RBM25: variants seen among roughly 807,000 people sequenced by gnomAD.
RBM25 encodes the protein RNA binding motif protein 25.
A neutral mutation model predicts 120.7 loss-of-function variants in RBM25; 19 were observed. The observed-to-expected ratio is 0.16, with a 90% CI of 0.11 to 0.23. The LOEUF (loss-of-function observed/expected upper bound fraction) is 0.23, where lower values mean the gene tolerates loss of function less well. Ranked by LOEUF, RBM25 falls within the 10% of genes least tolerant of loss-of-function variation. The pLI, the probability that RBM25 is intolerant of heterozygous loss-of-function variation, is 1.00. For missense variants in RBM25, 605 were observed against 1,041.5 expected, an observed-to-expected ratio of 0.58 and a Z score of 5.77; for synonymous variants, 390 against 326.7, an observed-to-expected ratio of 1.19 and a Z score of -2.09.
chr14:73,089,355 ATTTGTTT>A lies in RBM25; in HGVS notation c.543+1205_543+1211del, dbSNP rs371639600. 5.2e-3 allele frequency among the ~76,000 whole-genome samples: 791 copies of A among 151,976 alleles called. 7 individuals are homozygous for A. Among genetic ancestry groups the A allele is most frequent in the Non-Finnish European group, 8.4e-3 (569 of 67,922 alleles). On this transcript the variant is annotated intron_variant, in intron 6 of 18. Transcript: ENST00000261973. The stretch of plus-strand genomic sequence containing the variant: ...ATTTTTCTGTGTATGAATGTGGTTC[ATTTGTTT>A]TTTGTTTTTTTTGAGACAGAGTCTC...
chr14:73,113,927 A>G (rs935531296), intron 17 of RBM25, among the ~76,000 whole-genome samples: 2 of 152,192 alleles, frequency 1.3e-5, no homozygotes, highest in African/African-American at 4.8e-5. Context: ...CAGTTAACAT[A>G]GTAGAAACAC....
chr14:73,068,571 C>A, intron 1 of RBM25: 1 of 591,416 alleles, frequency 1.7e-6, no homozygotes, highest in Non-Finnish European at 3.1e-6. Flanking sequence ...TGTGCTTTTG[C>A]CAGTGTACGG....
intron 18 of RBM25, among the ~76,000 whole-genome samples, chr14:73,116,864 T>C (rs1896438114): frequency 6.6e-6 from 1 of 152,232 alleles, no homozygotes; most frequent in Non-Finnish European, 1.5e-5. Context: ...CCAGTTGAGC[T>C]AGTGTTGTCA....
At chr14:73,118,477 C>CGG (rs1364784642) in intron 18 of RBM25, among the ~76,000 whole-genome samples, 10 of 136,962 alleles carry the variant, frequency 7.3e-5, no homozygotes, top group African/African-American at 8.3e-5. Flanking sequence ...ATCCTGTCTC[C>CGG]AGAAAAAAAA....
intron 12 of RBM25, chr14:73,107,602 A>G (rs1277901021): frequency 2.1e-6 from 1 of 472,534 alleles, no homozygotes; most frequent in African/African-American, 2.0e-5. Flanking sequence ...GAATACATAT[A>G]CATTTATAAA....
At position 73,123,056 on chromosome 14, in the gene RBM25, C is replaced by T. The variant is rs1896563876; in HGVS notation, c.*3251C>T. On this transcript the variant is annotated 3_prime_UTR_variant, in exon 19 of 19. Coordinates refer to ENST00000261973, the MANE Select transcript of RBM25 (RefSeq NM_021239.3). The stretch of plus-strand genomic sequence containing the variant: ...ATTCTAGGCTTTTTTTCCATCCAGC[C>T]CTGAAAATTTTTTCTGTAGATAACT... 6.6e-6 allele frequency: 1 copy of T among 151,882 alleles called. No individual in the cohort carries two copies. The highest frequency in any genetic ancestry group is 1.5e-5 in the Non-Finnish European group (1 of 67,984). 9.4% of individuals were successfully genotyped at this position (151,882 alleles called of 1,614,324 possible).
intron 5 of RBM25, among the ~76,000 whole-genome samples, chr14:73,086,117 T>A (rs1895679253): frequency 6.6e-6 from 1 of 151,916 alleles, no homozygotes; most frequent in Admixed American, 6.6e-5. Context: ...GAAATTGTTT[T>A]GAAGATCACG....
At chr14:73,091,044 G>A (rs917549843) in intron 6 of RBM25, among the ~76,000 whole-genome samples, 1 of 152,194 alleles carries the variant, frequency 6.6e-6, no homozygotes, top group African/African-American at 2.4e-5. Flanking sequence ...TATCTTCAAA[G>A]TGTTCTGATT....
intron 6 of RBM25, among the ~76,000 whole-genome samples, chr14:73,089,740 C>T (rs1057039784): frequency 2.0e-5 from 3 of 151,900 alleles, no homozygotes; most frequent in Non-Finnish European, 2.9e-5. Flanking sequence ...GACCTTAGCT[C>T]ACTGCAACCT....
chr14:73,114,974 A>G (rs1218147011), intron 18 of RBM25, among the ~76,000 whole-genome samples: 1 of 152,256 alleles, frequency 6.6e-6, no homozygotes, highest in Non-Finnish European at 1.5e-5. Context: ...TGCTAGAAGC[A>G]TAAAAGTAGA....
In RBM25 at chr14:73,120,025, A is replaced by G; in HGVS notation, c.*220A>G. The stretch of plus-strand genomic sequence containing the variant: ...TTCTCTTTATACTCACCAGGTACAA[A>G]TTACTGGTATGTTTTATAAGCCGCA... On this transcript the variant is annotated 3_prime_UTR_variant, in exon 19 of 19. Transcript: ENST00000261973. 1 of 470,812 alleles carries G rather than the reference A, an allele frequency of 2.1e-6. No individual in the cohort carries two copies. The highest frequency in any genetic ancestry group is 3.4e-6 in the Non-Finnish European group (1 of 293,034). The allele number at this position is 470,812 out of a possible 1,614,324, so 29.2% of individuals were successfully genotyped here.
chr14:73,104,576 C>T (rs1387786797), intron 10 of RBM25, among the ~76,000 whole-genome samples: 2 of 151,842 alleles, frequency 1.3e-5, no homozygotes, highest in Non-Finnish European at 2.9e-5. Context: ...CTATGTTGCC[C>T]AGCTGGTCTC....
intron 2 of RBM25, among the ~76,000 whole-genome samples, chr14:73,074,496 G>A (rs537788842): frequency 9.7e-4 from 147 of 152,200 alleles, no homozygotes; most frequent in Non-Finnish European, 1.7e-3. Flanking sequence ...ACTTTGGGAG[G>A]CTGAGGGCAG....
At chr14:73,078,796 G>A (rs1895486478) in intron 4 of RBM25, among the ~76,000 whole-genome samples, 1 of 152,060 alleles carries the variant, frequency 6.6e-6, no homozygotes, top group African/African-American at 2.4e-5. Context: ...TAGAGACAAG[G>A]TTTCATCATG....
In RBM25 at chr14:73,090,154, G is replaced by A. The variant is rs552453104; in HGVS notation, c.543+1993G>A. On this transcript the variant is annotated intron_variant, in intron 6 of 18. Coordinates refer to ENST00000261973, the MANE Select transcript of RBM25 (RefSeq NM_021239.3). ...CAACCTCCACCTCCCAGGTTCAAGC[G>A]ATTCTCCTGCTTTGGCCTACCGAGT... Among the ~76,000 whole-genome samples the A allele has an allele frequency of 1.7e-3, 259 of 152,046 alleles. 2 individuals are homozygous for A. Among genetic ancestry groups the A allele is most frequent in the African/African-American group, 5.7e-3 (236 of 41,468 alleles).
intron 5 of RBM25, among the ~76,000 whole-genome samples, chr14:73,086,309 G>A (rs1038602475): frequency 2.0e-5 from 3 of 151,854 alleles, no homozygotes; most frequent in Non-Finnish European, 4.4e-5. Flanking sequence ...GTGGTGGTGC[G>A]CTCCTTTAGT....
intron 12 of RBM25, among the ~76,000 whole-genome samples, chr14:73,106,869 G>A (rs906078186): frequency 1.0e-4 from 15 of 147,892 alleles, no homozygotes; most frequent in African/African-American, 3.8e-4. Flanking sequence ...GAGACGGAGT[G>A]TTGCTCTGCC....
At chr14:73,103,996 T>A (rs2806030) in intron 10 of RBM25, among the ~76,000 whole-genome samples, 2,080 of 128,150 alleles carry the variant, frequency 0.016, 13 homozygotes, top group East Asian at 0.035. Context: ...ACACACACAC[T>A]CTCTCTCTCT....
chr14:73,074,076 T>G (rs1032802557), intron 2 of RBM25, among the ~76,000 whole-genome samples: 4 of 152,226 alleles, frequency 2.6e-5, no homozygotes, highest in African/African-American at 9.6e-5. Flanking sequence ...AAGTTAGTTA[T>G]CAGCCATCAA....
Sources: allele counts gnomAD v4.1 joint callset (sites outside exome capture counted in the v4.1 genomes callset), GRCh38; gene constraint gnomAD v4.1.1; transcripts MANE v1.5; gene names NCBI Gene and HGNC (gene_info 2026-07-23, HGNC 2026-07-21).